The following AKR1C8 variants were observed in gnomAD, a reference collection of about 807,000 sequenced individuals.
AKR1C8 encodes the protein aldo-keto reductase family 1 member C8, also known as aldo-keto reductase family 1 member C-like protein 1.
At chr10:5,132,867 A>G in the AKR1C8 span, 247,370 of 525,600 alleles carry the variant, frequency 0.47, 63,886 homozygotes, top group East Asian at 0.88. Flanking sequence ...TTATTCTTGC[A>G]TCTTGGGTTA....
At chr10:5,124,133 T>C in the AKR1C8 span, among the ~76,000 whole-genome samples, 2 of 152,188 alleles carry the variant, frequency 1.3e-5, no homozygotes, top group African/African-American at 4.8e-5. Context: ...TTCTGAGCTT[T>C]GGACATCAAA....
the AKR1C8 span, among the ~76,000 whole-genome samples, chr10:5,119,969 A>G: frequency 6.6e-6 from 1 of 152,170 alleles, no homozygotes; most frequent in African/African-American, 2.4e-5. Flanking sequence ...CTGGCCATAG[A>G]CAGGCCCCAA....
At chr10:5,148,747 A>G in the AKR1C8 span, among the ~76,000 whole-genome samples, 305 of 152,310 alleles carry the variant, frequency 2.0e-3, no homozygotes, top group Non-Finnish European at 3.5e-3. Context: ...TGGAAATAAA[A>G]GGAAGGCAGC....
At chr10:5,151,770 T>A in the AKR1C8 span, among the ~76,000 whole-genome samples, 1 of 152,136 alleles carries the variant, frequency 6.6e-6, no homozygotes, top group Non-Finnish European at 1.5e-5. Context: ...TTGGCCAGGC[T>A]GGTCTTAAAC....
the AKR1C8 span, among the ~76,000 whole-genome samples, chr10:5,162,693 G>C: frequency 3.9e-5 from 6 of 152,262 alleles, no homozygotes; most frequent in East Asian, 5.8e-4. Context: ...TGTTCTACCA[G>C]TAAAATATTT....
At chr10:5,169,856 A>C in the AKR1C8 span, among the ~76,000 whole-genome samples, 1 of 152,120 alleles carries the variant, frequency 6.6e-6, no homozygotes, top group Non-Finnish European at 1.5e-5. Flanking sequence ...GAGGCTGAGT[A>C]AGATGAGTAA....
chr10:5,158,332 G>A, the AKR1C8 span, among the ~76,000 whole-genome samples: 1 of 152,172 alleles, frequency 6.6e-6, no homozygotes, highest in African/African-American at 2.4e-5. Context: ...CAGCATTACA[G>A]CCTAGGCAAA....
At chr10:5,174,492 T>A in the AKR1C8 span, among the ~76,000 whole-genome samples, 1 of 150,572 alleles carries the variant, frequency 6.6e-6, no homozygotes, top group Non-Finnish European at 1.5e-5. Context: ...CTAAATATTT[T>A]AAGATTGCAA....
At chr10:5,145,692 GA>G in the AKR1C8 span, among the ~76,000 whole-genome samples, 2 of 152,114 alleles carry the variant, frequency 1.3e-5, no homozygotes, top group Non-Finnish European at 2.9e-5. Context: ...AAAAAGTCAG[GA>G]AACAACAGGT....
chr10:5,173,974 TAAAAG>T, the AKR1C8 span, among the ~76,000 whole-genome samples: 1 of 151,662 alleles, frequency 6.6e-6, no homozygotes, highest in Non-Finnish European at 1.5e-5. Flanking sequence ...CCTTTGGAAA[TAAAAG>T]AAAAACCATA....
the AKR1C8 span, among the ~76,000 whole-genome samples, chr10:5,164,324 C>A: frequency 4.6e-5 from 7 of 152,186 alleles, 1 homozygote; most frequent in African/African-American, 1.7e-4. Flanking sequence ...GGCCCCCTCT[C>A]TACTATAGAG....
the AKR1C8 span, among the ~76,000 whole-genome samples, chr10:5,143,949 A>T: frequency 4.0e-5 from 6 of 151,850 alleles, no homozygotes; most frequent in Non-Finnish European, 7.4e-5. Flanking sequence ...CTAATAGTTG[A>T]CAATATGAAC....
the AKR1C8 span, among the ~76,000 whole-genome samples, chr10:5,125,884 G>A: frequency 6.6e-6 from 1 of 152,172 alleles, no homozygotes; most frequent in Non-Finnish European, 1.5e-5. Flanking sequence ...CCCACTGGGT[G>A]GCTAGACCCA....
chr10:5,117,037 A>G, the AKR1C8 span, among the ~76,000 whole-genome samples: 1 of 152,244 alleles, frequency 6.6e-6, no homozygotes, highest in African/African-American at 2.4e-5. Flanking sequence ...AACTCTAAGA[A>G]CAGTTTTTAC....
chr10:5,128,442 A>G, the AKR1C8 span, among the ~76,000 whole-genome samples: 16 of 152,296 alleles, frequency 1.1e-4, no homozygotes, highest in African/African-American at 2.9e-4. Context: ...TCTGAATATT[A>G]ACATTGAACA....
At chr10:5,132,653 G>C in the AKR1C8 span, 3 of 1,591,018 alleles carry the variant, frequency 1.9e-6, no homozygotes, top group Non-Finnish European at 2.6e-6. Flanking sequence ...CTGCAATCTT[G>C]CTTCAGATGG....
chr10:5,135,659 A>C, the AKR1C8 span, among the ~76,000 whole-genome samples: 1 of 152,162 alleles, frequency 6.6e-6, no homozygotes, highest in East Asian at 1.9e-4. Flanking sequence ...ACTATAAAAC[A>C]ACTCCAGCAA....
At chr10:5,138,109 A>G in the AKR1C8 span, among the ~76,000 whole-genome samples, 8 of 151,584 alleles carry the variant, frequency 5.3e-5, 1 homozygote, top group Admixed American at 4.6e-4. Context: ...CATCTTACAC[A>G]ACAGAAAACA....
the AKR1C8 span, chr10:5,162,085 G>A: frequency 2.4e-6 from 1 of 408,300 alleles, no homozygotes; most frequent in Admixed American, 3.2e-5. Flanking sequence ...GTGGTCCAAA[G>A]CTAAAAGAGC....
Sources: allele counts gnomAD v4.1 joint callset (sites outside exome capture counted in the v4.1 genomes callset), GRCh38; gene constraint gnomAD v4.1.1; transcripts MANE v1.5; gene names NCBI Gene and HGNC (gene_info 2026-07-23, HGNC 2026-07-21).